Variants in CADM1 observed in about 807,000 individuals in gnomAD.
The protein encoded by CADM1 is cell adhesion molecule 1.
A neutral mutation model predicts 53.1 loss-of-function variants in CADM1; 15 were observed. The observed-to-expected ratio is 0.28, with a 90% CI of 0.19 to 0.44. CADM1 has a LOEUF of 0.44. Ranked by LOEUF, CADM1 falls within the 20% of genes least tolerant of loss-of-function variation. The pLI, the probability that CADM1 is intolerant of heterozygous loss-of-function variation, is 1.00. For missense variants in CADM1, 434 were observed against 611.3 expected (o/e 0.71, Z 3.06); for synonymous variants, 281 against 243.0 (o/e 1.16, Z -1.45).
At chr11:115,451,781 T>C (rs1948577001) in intron 1 of CADM1, among the ~76,000 whole-genome samples, 1 of 152,102 alleles carries the variant, frequency 6.6e-6, no homozygotes, top group African/African-American at 2.4e-5. Context: ...CTGGGCTTCT[T>C]TCCTAACTAC....
At chr11:115,228,091 G>A (rs902993196) in intron 5 of CADM1, among the ~76,000 whole-genome samples, 3 of 152,202 alleles carry the variant, frequency 2.0e-5, no homozygotes, top group South Asian at 4.1e-4. Context: ...GTCATGTGAC[G>A]ATGAAGGCAG....
chr11:115,477,183 G>A (rs1471835042), intron 1 of CADM1, among the ~76,000 whole-genome samples: 2 of 151,660 alleles, frequency 1.3e-5, no homozygotes, highest in African/African-American at 4.8e-5. Context: ...AAATATGAGA[G>A]CACAATGAAG....
chr11:115,176,624 G>T, intron 11 of CADM1, 32 bp from the exon 12 acceptor site: 1 of 1,557,602 alleles, frequency 6.4e-7, no homozygotes, highest in Non-Finnish European at 8.9e-7. Flanking sequence ...CACCGTGACT[G>T]TCTGATGGCC....
Position 115,411,576 on chromosome 11 carries a change from T to C in CADM1, c.124+92695A>G, listed in dbSNP as rs185177795. Among the ~76,000 whole-genome samples, 229 of 152,324 alleles carry C rather than the reference T, an allele frequency of 1.5e-3. 1 individual carries two copies. Among genetic ancestry groups the C allele is most frequent in the Non-Finnish European group, 1.6e-3 (109 of 68,020 alleles). On this transcript the variant is annotated intron_variant, in intron 1 of 11. Coordinates refer to ENST00000331581, the MANE Select transcript of CADM1 (RefSeq NM_001301043.2). The stretch of plus-strand genomic sequence containing the variant: ...TACCCAGTAGGGACCCTGTAGAGTC[T>C]CTGACTGAATTTCACCCCTAAAATA...
At chr11:115,356,630 G>C (rs1160346662) in intron 1 of CADM1, among the ~76,000 whole-genome samples, 1 of 152,102 alleles carries the variant, frequency 6.6e-6, no homozygotes, top group East Asian at 1.9e-4. Flanking sequence ...AACATTTCAA[G>C]TATTTGTTTA....
In CADM1 at chr11:115,169,724, C is replaced by A; in HGVS notation, c.*6750G>T. On this transcript the variant is annotated 3_prime_UTR_variant, in exon 12 of 12. Transcript: ENST00000331581. ...TAGTGCAGAAGATTCCCTTCCATAG[C>A]AATACTTTTTAATCAGGTCTGCTGT... The A allele has an allele frequency of 4.6e-6, 2 of 432,186 alleles. No individual in the cohort carries two copies. The highest frequency in any genetic ancestry group is 1.7e-5 in the South Asian group (1 of 59,802). 26.8% of individuals were successfully genotyped at this position (432,186 alleles called of 1,614,324 possible).
chr11:115,454,162 G>T (rs1376241117), intron 1 of CADM1, among the ~76,000 whole-genome samples: 1 of 152,002 alleles, frequency 6.6e-6, no homozygotes, highest in Admixed American at 6.5e-5. Flanking sequence ...AGCAATTAAA[G>T]TTGACTCTAA....
At chr11:115,250,124 C>T (rs573965007) in intron 1 of CADM1, among the ~76,000 whole-genome samples, 3 of 152,210 alleles carry the variant, frequency 2.0e-5, no homozygotes, top group East Asian at 1.9e-4. Context: ...AGGATGGTCT[C>T]GATCTCCTGA....
At chr11:115,263,140 C>T (rs1237438593) in intron 1 of CADM1, among the ~76,000 whole-genome samples, 1 of 152,368 alleles carries the variant, frequency 6.6e-6, no homozygotes, top group Non-Finnish European at 1.5e-5. Flanking sequence ...TACATGACGT[C>T]AAAGTCTTAC....
At chr11:115,426,506 C>A (rs945760070) in intron 1 of CADM1, among the ~76,000 whole-genome samples, 1 of 152,106 alleles carries the variant, frequency 6.6e-6, no homozygotes, top group African/African-American at 2.4e-5. Flanking sequence ...TTTATTTTTA[C>A]CCCTGTGCTC....
chr11:115,444,993 T>C (rs1473598050), intron 1 of CADM1, among the ~76,000 whole-genome samples: 1 of 152,182 alleles, frequency 6.6e-6, no homozygotes, highest in African/African-American at 2.4e-5. Context: ...CTAATGACTA[T>C]AACATAGTGA....
intron 5 of CADM1, among the ~76,000 whole-genome samples, chr11:115,227,147 G>C (rs1941640756): frequency 6.6e-6 from 1 of 152,174 alleles, no homozygotes; most frequent in Non-Finnish European, 1.5e-5. Context: ...AGAGTTTAAA[G>C]TATCAATTGG....
intron 1 of CADM1, among the ~76,000 whole-genome samples, chr11:115,369,692 A>G (rs1421009493): frequency 6.6e-6 from 1 of 152,220 alleles, no homozygotes; most frequent in East Asian, 1.9e-4. Flanking sequence ...CAACAGAAAT[A>G]AAATTCAACC....
chr11:115,486,972 A>G (rs1312271420), intron 1 of CADM1, among the ~76,000 whole-genome samples: 1 of 152,304 alleles, frequency 6.6e-6, no homozygotes, highest in African/African-American at 2.4e-5. Flanking sequence ...CTGTGGCCAC[A>G]GTCCCACCTT....
chr11:115,403,387 A>C (rs2135221519), intron 1 of CADM1, among the ~76,000 whole-genome samples: 1 of 152,336 alleles, frequency 6.6e-6, no homozygotes, highest in East Asian at 1.9e-4. Flanking sequence ...AAAGGTTGTT[A>C]GTGAGAACAA....
chr11:115,224,066 A>C (rs528753104), intron 5 of CADM1, among the ~76,000 whole-genome samples: 1 of 151,932 alleles, frequency 6.6e-6, no homozygotes, highest in African/African-American at 2.4e-5. Flanking sequence ...TACAACCTGG[A>C]AACAGAATTG....
At chr11:115,315,811 C>T (rs1436061607) in intron 1 of CADM1, among the ~76,000 whole-genome samples, 1 of 152,092 alleles carries the variant, frequency 6.6e-6, no homozygotes, top group Non-Finnish European at 1.5e-5. Flanking sequence ...TGGAGCAACA[C>T]GAATTAAAAA....
intron 3 of CADM1, among the ~76,000 whole-genome samples, chr11:115,238,134 T>C (rs1942075527): frequency 6.6e-6 from 1 of 152,154 alleles, no homozygotes; most frequent in African/African-American, 2.4e-5. Flanking sequence ...AGCTCTGCCA[T>C]GGGGTATAGA....
chr11:115,340,651 TATATA>T lies in CADM1; in HGVS notation c.125-100236_125-100232del, dbSNP rs1244829649. On this transcript the variant is annotated intron_variant, in intron 1 of 11. Coordinates refer to ENST00000331581, the MANE Select transcript of CADM1 (RefSeq NM_001301043.2). ...TTATATATATATATATATATATATA[TATATA>T]TATTTTTTTTTTTTTTTTTTTTGAG... Among the ~76,000 whole-genome samples, 220 of 41,326 alleles carry T rather than the reference TATATA, an allele frequency of 5.3e-3. 6 individuals carry two copies. The highest frequency in any genetic ancestry group is 0.015 in the African/African-American group (176 of 11,452). The allele number at this position is 41,326 out of a possible 152,430, so 27.1% of individuals were successfully genotyped here. A position where few individuals can be genotyped will look rare whatever the true frequency, so the allele number is the denominator to read the frequency against.
Sources: allele counts gnomAD v4.1 joint callset (sites outside exome capture counted in the v4.1 genomes callset), GRCh38; gene constraint gnomAD v4.1.1; transcripts MANE v1.5; gene names NCBI Gene and HGNC (gene_info 2026-07-23, HGNC 2026-07-21).